Variants in TTC6 observed in about 807,000 individuals in gnomAD.
TTC6 encodes the protein tetratricopeptide repeat protein 6.
In TTC6, 172 loss-of-function variants were observed where a neutral mutation model predicts 210.4. That is an observed-to-expected ratio of 0.82 (90% CI 0.72 to 0.93). The LOEUF (loss-of-function observed/expected upper bound fraction) is 0.93, where lower values mean the gene tolerates loss of function less well. TTC6 is among the 40% of genes least tolerant of loss of function. The probability of loss-of-function intolerance (pLI) is 0.00; values close to 1 mark genes in which losing one functional copy is unlikely to be tolerated. For synonymous variants in TTC6, 804 were observed against 819.6 expected (o/e 0.98, Z 0.32); for missense variants, 2,414 against 2,318.1 (o/e 1.04, Z -0.85).
At chr14:37,822,302 A>G (rs1197242790) in intron 26 of TTC6, among the ~76,000 whole-genome samples, 1 of 152,324 alleles carries the variant, frequency 6.6e-6, no homozygotes, top group African/African-American at 2.4e-5. Context: ...TTAGTAAATG[A>G]TAGTGTAGGT....
chr14:37,705,241 A>G (rs1023657480), intron 5 of TTC6, among the ~76,000 whole-genome samples: 11 of 152,180 alleles, frequency 7.2e-5, no homozygotes, highest in African/African-American at 2.2e-4. Context: ...AAATATGTGG[A>G]CAGATCATTA....
In TTC6 at chr14:37,739,418, A is replaced by G. The variant is rs557626048; in HGVS notation, c.2363+263A>G. Among the ~76,000 whole-genome samples, 3 of 152,082 alleles carry G rather than the reference A, an allele frequency of 2.0e-5. No homozygotes were observed. The South Asian group carries it at 6.2e-4, about 32-fold the overall frequency. On this transcript the variant is annotated intron_variant, in intron 10 of 30. Transcript: ENST00000553443. ...ATGGTGAAACCCCTCTCTACCAAAA[A>G]TACAAAAATTAGTTGGGCATGGTGG...
chr14:37,814,417 T>C (rs1162267177), intron 25 of TTC6, among the ~76,000 whole-genome samples: 1 of 151,726 alleles, frequency 6.6e-6, no homozygotes, highest in Admixed American at 6.6e-5. Flanking sequence ...TAAACTAAAA[T>C]GGAATATAAA....
At chr14:37,813,679 G>C (rs1455102274) in intron 25 of TTC6, among the ~76,000 whole-genome samples, 2 of 152,074 alleles carry the variant, frequency 1.3e-5, no homozygotes, top group Non-Finnish European at 2.9e-5. Flanking sequence ...GAACTCACTC[G>C]ATTCCAAATT....
chr14:37,764,216 C>G (rs1595219254), intron 14 of TTC6, among the ~76,000 whole-genome samples: 2 of 152,130 alleles, frequency 1.3e-5, no homozygotes, highest in Non-Finnish European at 2.9e-5. Context: ...TAAGAATGTT[C>G]CAAGTTTGCC....
At chr14:37,810,630 C>T (rs1412489395) in intron 24 of TTC6, among the ~76,000 whole-genome samples, 1 of 152,132 alleles carries the variant, frequency 6.6e-6, no homozygotes, top group Admixed American at 6.5e-5. Flanking sequence ...AACTGTCTGA[C>T]CTCCAGCATG....
At chr14:37,758,424 C>G (rs917889802) in intron 14 of TTC6, among the ~76,000 whole-genome samples, 9 of 152,156 alleles carry the variant, frequency 5.9e-5, no homozygotes, top group African/African-American at 2.2e-4. Flanking sequence ...GAAGTGATCA[C>G]TTTACCATTA....
intron 25 of TTC6, among the ~76,000 whole-genome samples, chr14:37,813,636 C>A: frequency 6.6e-6 from 1 of 152,164 alleles, no homozygotes; most frequent in East Asian, 1.9e-4. Context: ...TAAGGTCTTT[C>A]CACAGTAAGT....
intron 1 of TTC6, among the ~76,000 whole-genome samples, chr14:37,675,536 A>C (rs71404891): frequency 0.057 from 8,688 of 152,174 alleles, 377 homozygotes; most frequent in Non-Finnish European, 0.089. Context: ...CTATAGCATC[A>C]ATGTACAAAT....
Position 37,682,981 on chromosome 14 carries a change from G to T in TTC6, c.1257+17G>T, listed in dbSNP as rs1441914052. On this transcript the variant is annotated intron_variant, in intron 3 of 30. Coordinates refer to ENST00000553443, the Ensembl canonical transcript of TTC6. ...TCTTTAACGGTAAGAAACTATTTAT[G>T]TTGGAAACACCTAAGAGTTATGAGA... 6.5e-7 allele frequency: 1 copy of T among 1,531,082 alleles called. No homozygotes were observed. 94.8% of individuals were successfully genotyped at this position (1,531,082 alleles called of 1,614,324 possible). A position where few individuals can be genotyped will look rare whatever the true frequency, so the allele number is the denominator to read the frequency against.
In TTC6 at chr14:37,800,694, G is replaced by A. The variant is rs77455440; in HGVS notation, c.4029+3747G>A. Among the ~76,000 whole-genome samples, 1,040 of 152,282 alleles carry A rather than the reference G, an allele frequency of 6.8e-3. 10 individuals are homozygous for A. Among genetic ancestry groups the A allele is most frequent in the African/African-American group, 0.022 (917 of 41,564 alleles). ...CCCTCAGGCATCTCAGCAGTAGGCCGAAGTAGACAAGGAATTTTCTTGAAA... is the reference window on the plus strand; with the variant it reads ...CCCTCAGGCATCTCAGCAGTAGGCCAAAGTAGACAAGGAATTTTCTTGAAA... On this transcript the variant is annotated intron_variant, in intron 20 of 30. Coordinates refer to ENST00000553443, the Ensembl canonical transcript of TTC6.
intron 29 of TTC6, among the ~76,000 whole-genome samples, chr14:37,832,834 C>A (rs370965765): frequency 6.6e-6 from 1 of 151,946 alleles, no homozygotes; most frequent in African/African-American, 2.4e-5. Flanking sequence ...CCAAGGTGGG[C>A]AGATCACGAG....
At chr14:37,623,640 C>A (rs533713227) in intron 1 of TTC6, among the ~76,000 whole-genome samples, 7 of 152,130 alleles carry the variant, frequency 4.6e-5, no homozygotes, top group African/African-American at 7.2e-5. Context: ...TCCTGTCTGA[C>A]GTGGAGGCCT....
At chr14:37,698,416 C>T (rs752005301) in intron 4 of TTC6, among the ~76,000 whole-genome samples, 13 of 152,146 alleles carry the variant, frequency 8.5e-5, no homozygotes, top group Non-Finnish European at 1.9e-4. Context: ...AATGTAATCT[C>T]AAACACATTC....
intron 6 of TTC6, chr14:37,720,541 A>G (rs1428359779): frequency 2.7e-5 from 4 of 149,786 alleles, no homozygotes; most frequent in African/African-American, 9.9e-5. Context: ...AGCTATGAAC[A>G]CTGAAGCAGG....
intron 1 of TTC6, among the ~76,000 whole-genome samples, chr14:37,604,170 C>G (rs2095620877): frequency 6.6e-6 from 1 of 152,182 alleles, no homozygotes. Context: ...GAAGGGAGCT[C>G]TCCCATGGGA....
intron 4 of TTC6, 126 bp from the exon 7 acceptor site, chr14:37,701,206 T>C (rs2095824618): frequency 4.8e-6 from 3 of 621,466 alleles, no homozygotes. Context: ...TTATTATAGT[T>C]TTAAATCAGA....
chr14:37,626,848 T>C (rs551381433), intron 1 of TTC6, among the ~76,000 whole-genome samples: 1 of 152,344 alleles, frequency 6.6e-6, no homozygotes, highest in East Asian at 1.9e-4. Flanking sequence ...TCCAGCTAAA[T>C]ACTGCGGAAA....
chr14:37,840,834 G>A (rs1273167387), intron 29 of TTC6, among the ~76,000 whole-genome samples: 1 of 151,296 alleles, frequency 6.6e-6, no homozygotes, highest in Non-Finnish European at 1.5e-5. Context: ...GCTCTATACA[G>A]GGATCTGGGA....
Sources: gnomAD v4.1 joint callset for allele counts (sites outside exome capture counted in the v4.1 genomes callset) on GRCh38, gnomAD v4.1.1 for gene constraint, MANE v1.5 for transcripts, NCBI Gene and HGNC (gene_info 2026-07-23, HGNC 2026-07-21) for gene names.